Variants in PDE6C observed in about 807,000 individuals in gnomAD.
The protein encoded by PDE6C is cone cGMP-specific 3',5'-cyclic phosphodiesterase subunit alpha'.
A neutral mutation model predicts 113.1 loss-of-function variants in PDE6C; 75 were observed. The ratio of observed to expected loss-of-function variants is 0.66; its 90% CI spans 0.55 to 0.80. The LOEUF (loss-of-function observed/expected upper bound fraction) is 0.80, where lower values mean the gene tolerates loss of function less well. Ranked by LOEUF, PDE6C falls within the 30% of genes least tolerant of loss-of-function variation. PDE6C has a pLI of 0.00. For missense variants in PDE6C, 912 were observed against 1,038.6 expected (o/e 0.88, Z 1.67); for synonymous variants, 375 against 363.7 (o/e 1.03, Z -0.35).
chr10:93,665,822 G>A lies in PDE6C; in HGVS notation c.*404G>A, dbSNP rs2058687325. ...AGTTCAAGATCAAGGAGTTGGCAGGGTTGGTTTCTTGGGAGGCCTCTCAAC... is the reference window on the plus strand; with the variant it reads ...AGTTCAAGATCAAGGAGTTGGCAGGATTGGTTTCTTGGGAGGCCTCTCAAC... On this transcript the variant is annotated 3_prime_UTR_variant, in exon 22 of 22. Coordinates refer to ENST00000371447, the MANE Select transcript of PDE6C (RefSeq NM_006204.4). The A allele has an allele frequency of 7.6e-6, 2 of 262,086 alleles. No individual in the cohort carries two copies. Among genetic ancestry groups the A allele is most frequent in the African/African-American group, 4.7e-5 (2 of 42,796 alleles). 16.2% of individuals were successfully genotyped at this position (262,086 alleles called of 1,614,324 possible). A position where few individuals can be genotyped will look rare whatever the true frequency, so the allele number is the denominator to read the frequency against.
chr10:93,661,480 A>G (rs2058665638), intron 18 of PDE6C, among the ~76,000 whole-genome samples: 1 of 152,198 alleles, frequency 6.6e-6, no homozygotes, highest in Non-Finnish European at 1.5e-5. Flanking sequence ...CACTGTATAC[A>G]TGACTGTCTT....
chr10:93,655,650 C>CAAA, intron 15 of PDE6C, 110 bp from the exon 16 acceptor site: 1 of 303,226 alleles, frequency 3.3e-6, no homozygotes, highest in Non-Finnish European at 5.9e-6. Flanking sequence ...AAAAAAAAAA[C>CAAA]AAACAAAAAA....
At chr10:93,662,381 T>C (rs1453988063) in intron 19 of PDE6C, among the ~76,000 whole-genome samples, 179 bp from the exon 20 acceptor site, 1 of 144,474 alleles carries the variant, frequency 6.9e-6, no homozygotes, top group Non-Finnish European at 1.5e-5. Context: ...GAGAATCACT[T>C]AAACTCAGAA....
intron 11 of PDE6C, among the ~76,000 whole-genome samples, chr10:93,639,361 A>G (rs548055060): frequency 5.4e-4 from 82 of 152,364 alleles, no homozygotes; most frequent in African/African-American, 1.9e-3. Context: ...CCTTAAGGGC[A>G]AGATACATAT....
intron 11 of PDE6C, among the ~76,000 whole-genome samples, chr10:93,637,271 T>C (rs1457653913): frequency 6.6e-6 from 1 of 152,224 alleles, no homozygotes; most frequent in Non-Finnish European, 1.5e-5. Flanking sequence ...GTCCAATTCA[T>C]ACAGATAATT....
In PDE6C at chr10:93,634,764, C is replaced by T. The variant is rs779339015; in HGVS notation, c.1126C>T (p.Pro376Ser). 1.5e-5 allele frequency: 24 copies of T among 1,613,880 alleles called. No individual in the cohort carries two copies. The highest frequency in any genetic ancestry group is 1.6e-4 in the Middle Eastern group (1 of 6,080). ...ADEYFTFQKGPVDETGWVIKN... is the reference protein window; with the variant it reads ...ADEYFTFQKGSVDETGWVIKN... ...GGTCCCTTCTCGTTTGTAGAAAGGA[C>T]CTGTAGACGAAACTGGTTGGGTCAT... Residue 376 changes from proline (P) to serine (S), a missense_variant, in exon 9 of 22, where the codon CCT becomes TCT. Transcript: ENST00000371447.
chr10:93,634,057 C>T (rs746568695), intron 8 of PDE6C, among the ~76,000 whole-genome samples: 1 of 151,874 alleles, frequency 6.6e-6, no homozygotes, highest in African/African-American at 2.4e-5. Flanking sequence ...GAATTTCACT[C>T]TGCTGCCCAG....
At chr10:93,643,699 C>CT (rs71031525) in intron 14 of PDE6C, among the ~76,000 whole-genome samples, 100 of 144,186 alleles carry the variant, frequency 6.9e-4, no homozygotes, top group African/African-American at 1.4e-3. Context: ...CCAACTAATT[C>CT]TTTTTTTTTT....
chr10:93,641,025 A>G lies in PDE6C; in HGVS notation c.1843A>G (p.Met615Val). The G allele has an allele frequency of 6.3e-7, 1 of 1,577,528 alleles. No individual in the cohort carries two copies. Reference protein sequence around the residue: ...DHRGTNNLYQMKSTSPLARLH... With the variant: ...DHRGTNNLYQVKSTSPLARLH... ...CAGAGGCACCAATAATTTGTACCAG[A>G]TGAAGTAAGTGAACACATGTCCAAT... Residue 615 changes from methionine to valine, a missense_variant, in exon 14 of 22, where the codon ATG becomes GTG. Physicochemically the swap from Met to Val is conservative, Grantham distance 21. Coordinates refer to ENST00000371447, the MANE Select transcript of PDE6C (RefSeq NM_006204.4).
intron 15 of PDE6C, among the ~76,000 whole-genome samples, chr10:93,653,127 T>C (rs1466420721): frequency 6.6e-6 from 1 of 152,122 alleles, no homozygotes; most frequent in African/African-American, 2.4e-5. Flanking sequence ...ATAAAGGCAG[T>C]GATTCCCTGA....
chr10:93,635,486 A>G lies in PDE6C; in HGVS notation c.1270-11A>G. The G allele has an allele frequency of 6.2e-7, 1 of 1,608,070 alleles. No individual in the cohort carries two copies. The highest frequency in any genetic ancestry group is 8.5e-7 in the Non-Finnish European group (1 of 1,174,608). On this transcript the variant is annotated splice_polypyrimidine_tract_variant and intron_variant, in intron 9 of 21. Transcript: ENST00000371447. ...CTGAAGAGAATTAGAATCACCTTTT[A>G]TCCATTTCAGACTCTCACACAATTT...
Position 93,640,099 on chromosome 10 carries a change from A to C in PDE6C, c.1512A>C (p.Ala504=). 6.2e-7 allele frequency: 1 copy of C among 1,614,130 alleles called. No homozygotes were observed. Among genetic ancestry groups the C allele is most frequent in the Non-Finnish European group, 8.5e-7 (1 of 1,179,950 alleles). Residue 504 remains alanine (A), a synonymous_variant, in exon 12 of 22, where the codon GCA becomes GCC. Coordinates refer to ENST00000371447, the MANE Select transcript of PDE6C (RefSeq NM_006204.4). The part of the protein sequence containing the change: ...LKEDLPDPRS[A]ELYEFRFSDF... Reference sequence around the variant, plus strand: ...AGGACTTGCCAGACCCACGCTCAGCAGAACTGTACGAATTCCGCTTCAGTG... The same window carrying C: ...AGGACTTGCCAGACCCACGCTCAGCCGAACTGTACGAATTCCGCTTCAGTG...
chr10:93,650,261 T>C (rs544420839), intron 15 of PDE6C, among the ~76,000 whole-genome samples: 35 of 152,326 alleles, frequency 2.3e-4, no homozygotes, highest in Admixed American at 5.9e-4. Context: ...CATTCCTTTT[T>C]TTAGAGATGG....
chr10:93,637,289 G>A (rs2058538179), intron 11 of PDE6C, among the ~76,000 whole-genome samples: 1 of 151,992 alleles, frequency 6.6e-6, no homozygotes, highest in Admixed American at 6.6e-5. Context: ...ATTTACAATT[G>A]TAGGTAGCCT....
intron 16 of PDE6C, among the ~76,000 whole-genome samples, chr10:93,658,187 A>AAG (rs1554891867): frequency 1.1e-4 from 16 of 142,384 alleles, no homozygotes; most frequent in Non-Finnish European, 9.2e-5. Flanking sequence ...AAAAAAAAAA[A>AAG]AAAAAGAAAA....
At chr10:93,626,367 TC>T (rs760823335) in intron 5 of PDE6C, among the ~76,000 whole-genome samples, 3 of 152,034 alleles carry the variant, frequency 2.0e-5, no homozygotes, top group African/African-American at 4.8e-5. Context: ...TAGCCAAAGA[TC>T]CCCCCCACCC....
intron 1 of PDE6C, among the ~76,000 whole-genome samples, chr10:93,614,280 A>G (rs1215086884): frequency 1.3e-5 from 2 of 152,260 alleles, no homozygotes; most frequent in South Asian, 4.2e-4. Flanking sequence ...TTATAGGGGG[A>G]GGGTCACACG....
At chr10:93,620,819 A>C in intron 2 of PDE6C, 35 bp downstream of exon 2, 1 of 1,614,016 alleles carries the variant, frequency 6.2e-7, no homozygotes, top group African/African-American at 1.3e-5. Flanking sequence ...TTGGAGGCTC[A>C]GGAAATTTAT....
At chr10:93,655,591 A>AT (rs1470696029) in intron 15 of PDE6C, among the ~76,000 whole-genome samples, 169 bp from the exon 16 acceptor site, 1 of 150,170 alleles carries the variant, frequency 6.7e-6, no homozygotes, top group Non-Finnish European at 1.5e-5. Context: ...AGTCCATGAG[A>AT]TAAAAACTAA....
Sources: allele counts gnomAD v4.1 joint callset (sites outside exome capture counted in the v4.1 genomes callset), GRCh38; gene constraint gnomAD v4.1.1; transcripts MANE v1.5; gene names NCBI Gene and HGNC (gene_info 2026-07-23, HGNC 2026-07-21).